DNAJC10: variants seen among roughly 807,000 people sequenced by gnomAD.
DNAJC10 encodes the protein endoplasmic reticulum disulfide reductase DNAJC10.
DNAJC10 carries 101 observed loss-of-function variants against 115.0 expected under a neutral mutation model. The ratio of observed to expected loss-of-function variants is 0.88; its 90% CI spans 0.75 to 1.04. The LOEUF is 1.04. Ranked by LOEUF, DNAJC10 falls within the 50% of genes least tolerant of loss-of-function variation. The probability of loss-of-function intolerance (pLI) is 0.00; values close to 1 mark genes in which losing one functional copy is unlikely to be tolerated. For synonymous variants in DNAJC10, 307 were observed against 301.5 expected (o/e 1.02, Z -0.19); for missense variants, 981 against 928.8 (o/e 1.06, Z -0.73).
rs1559004838 is a variant in DNAJC10, at chr2:182,736,399, T to C, written c.987+13T>C. The C allele has an allele frequency of 6.5e-7, 1 of 1,531,590 alleles. No homozygotes were observed. The highest frequency in any genetic ancestry group is 1.3e-5 in the South Asian group (1 of 78,996). 94.9% of individuals were successfully genotyped at this position (1,531,590 alleles called of 1,614,324 possible). ...AAACAGTATTTTGGTATGAATCACTTTAAACTAATTTATTTACATATAATG... is the reference window on the plus strand; with the variant it reads ...AAACAGTATTTTGGTATGAATCACTCTAAACTAATTTATTTACATATAATG... On this transcript the variant is annotated intron_variant, in intron 11 of 23. Coordinates refer to ENST00000264065, the MANE Select transcript of DNAJC10 (RefSeq NM_018981.4).
intron 5 of DNAJC10, among the ~76,000 whole-genome samples, chr2:182,727,903 A>C (rs1426030428): frequency 2.0e-5 from 3 of 152,180 alleles, no homozygotes; most frequent in African/African-American, 4.8e-5. Context: ...AAAATATAAA[A>C]TGTACTATTG....
chr2:182,757,603 A>G (rs1574947659), intron 18 of DNAJC10, 89 bp from the exon 19 acceptor site: 1 of 985,180 alleles, frequency 1.0e-6, no homozygotes, highest in African/African-American at 1.7e-5. Flanking sequence ...ATAATATAAT[A>G]ACTGTTTCAC....
Position 182,779,424 on chromosome 2 carries a change from G to A in DNAJC10, c.*2292G>A, listed in dbSNP as rs1293533278. On this transcript the variant is annotated 3_prime_UTR_variant, in exon 24 of 24. Transcript: ENST00000264065. ...CAAAGCACATTCTATCAGGCAGCCA[G>A]GCTTGGAAATTAGGTCCATTTAAAG... 6.6e-6 allele frequency: 1 copy of A among 152,164 alleles called. No individual in the cohort carries two copies. Among genetic ancestry groups the A allele is most frequent in the Non-Finnish European group, 1.5e-5 (1 of 68,062 alleles). The allele number at this position is 152,164 out of a possible 1,614,324, so 9.4% of individuals were successfully genotyped here. A position where few individuals can be genotyped will look rare whatever the true frequency, so the allele number is the denominator to read the frequency against.
intron 5 of DNAJC10, among the ~76,000 whole-genome samples, chr2:182,725,486 T>C (rs530139868): frequency 6.6e-6 from 1 of 152,288 alleles, no homozygotes; most frequent in Admixed American, 6.5e-5. Context: ...GCTACTCCAG[T>C]GAACACACTA....
In DNAJC10 at chr2:182,758,823, T is replaced by G. The variant is rs774519729; in HGVS notation, c.1944-14T>G. On this transcript the variant is annotated splice_polypyrimidine_tract_variant and intron_variant, in intron 19 of 23. Transcript: ENST00000264065. ...GAGAATCCTATTTACAACTAACATTTTTTCTTCTCTCAGCAGTTACAATGG... is the reference window on the plus strand; with the variant it reads ...GAGAATCCTATTTACAACTAACATTGTTTCTTCTCTCAGCAGTTACAATGG... 3.1e-6 allele frequency: 5 copies of G among 1,594,158 alleles called. No individual in the cohort carries two copies. The highest frequency in any genetic ancestry group is 4.3e-6 in the Non-Finnish European group (5 of 1,162,430).
intron 14 of DNAJC10, among the ~76,000 whole-genome samples, chr2:182,744,863 C>CT (rs1693821921): frequency 6.6e-6 from 1 of 152,184 alleles, no homozygotes; most frequent in South Asian, 2.1e-4. Context: ...CTAGAAATGA[C>CT]TAAGTTTTAA....
At chr2:182,768,196 A>T (rs6731059) in intron 22 of DNAJC10, among the ~76,000 whole-genome samples, 2 of 151,982 alleles carry the variant, frequency 1.3e-5, no homozygotes, top group African/African-American at 4.8e-5. Context: ...ATCTAGAGCA[A>T]GCAGAACTTG....
intron 16 of DNAJC10, chr2:182,752,606 A>G: frequency 3.2e-6 from 3 of 923,778 alleles, no homozygotes; most frequent in Non-Finnish European, 3.9e-6. Context: ...CTTTGTTTAA[A>G]TGAAATTATT....
chr2:182,738,770 G>A (rs1693652095), intron 11 of DNAJC10, among the ~76,000 whole-genome samples: 1 of 152,128 alleles, frequency 6.6e-6, no homozygotes. Flanking sequence ...TCGATCTCCT[G>A]ACCTTGTGAT....
At chr2:182,723,402 A>T (rs1220053605) in intron 5 of DNAJC10, among the ~76,000 whole-genome samples, 1 of 152,224 alleles carries the variant, frequency 6.6e-6, no homozygotes, top group Non-Finnish European at 1.5e-5. Flanking sequence ...CACATACAAA[A>T]TAGCTGTTCA....
At chr2:182,762,177 A>C (rs1276280533) in intron 21 of DNAJC10, among the ~76,000 whole-genome samples, 1 of 149,642 alleles carries the variant, frequency 6.7e-6, no homozygotes. Context: ...AAAAAGAGAG[A>C]GAGCGTGAGA....
chr2:182,724,641 CA>C (rs1693237222), intron 5 of DNAJC10, among the ~76,000 whole-genome samples: 1 of 152,078 alleles, frequency 6.6e-6, no homozygotes, highest in Non-Finnish European at 1.5e-5. Flanking sequence ...ACCTTACAGG[CA>C]AAGTAATTAC....
chr2:182,719,250 CTTTT>C (rs57284693), intron 3 of DNAJC10, among the ~76,000 whole-genome samples: 3 of 83,684 alleles, frequency 3.6e-5, no homozygotes, highest in African/African-American at 4.7e-5. Context: ...GGATTGTTTT[CTTTT>C]TTTTTTTTTT....
At chr2:182,740,667 G>T (rs1334828006) in intron 12 of DNAJC10, among the ~76,000 whole-genome samples, 1 of 151,982 alleles carries the variant, frequency 6.6e-6, no homozygotes. Context: ...AGCAACTTTG[G>T]GTCTGATTCA....
intron 16 of DNAJC10, among the ~76,000 whole-genome samples, chr2:182,753,877 C>T (rs1694091261): frequency 6.6e-6 from 1 of 152,096 alleles, no homozygotes; most frequent in African/African-American, 2.4e-5. Context: ...CCACTGCGCC[C>T]AGCCAATTTC....
intron 14 of DNAJC10, among the ~76,000 whole-genome samples, chr2:182,747,709 A>G (rs1693905386): frequency 6.7e-6 from 1 of 149,762 alleles, no homozygotes; most frequent in African/African-American, 2.5e-5. Context: ...TTCCTAATTG[A>G]ATACCCTTTA....
Position 182,788,618 on chromosome 2 carries a change from G to A in DNAJC10, c.*11486G>A, listed in dbSNP as rs1333820895. 5 of 272,906 alleles carry A rather than the reference G, an allele frequency of 1.8e-5. No homozygotes were observed. Among genetic ancestry groups the A allele is most frequent in the South Asian group, 7.6e-5 (2 of 26,456 alleles). The allele number at this position is 272,906 out of a possible 1,614,324, so 16.9% of individuals were successfully genotyped here. ...TGTTAGCAATTGGTTGTAGCAATAC[G>A]TCCGTCTGTAAGTGATGGTCATATT... On this transcript the variant is annotated 3_prime_UTR_variant, in exon 24 of 24. Transcript: ENST00000264065.
At chr2:182,759,606 G>C (rs1694242318) in intron 21 of DNAJC10, among the ~76,000 whole-genome samples, 1 of 151,744 alleles carries the variant, frequency 6.6e-6, no homozygotes. Context: ...GTACTCTGTT[G>C]CCCTCCAGGC....
intron 22 of DNAJC10, among the ~76,000 whole-genome samples, chr2:182,770,031 T>G (rs924008438): frequency 2.0e-5 from 3 of 152,266 alleles, no homozygotes; most frequent in Non-Finnish European, 4.4e-5. Context: ...TTCACCTTTC[T>G]ACATATGGCT....
Sources: gnomAD v4.1 joint callset for allele counts (sites outside exome capture counted in the v4.1 genomes callset) on GRCh38, gnomAD v4.1.1 for gene constraint, MANE v1.5 for transcripts, NCBI Gene and HGNC (gene_info 2026-07-23, HGNC 2026-07-21) for gene names.